The following C17orf107 variants were observed in gnomAD, a reference collection of about 807,000 sequenced individuals.
The protein encoded by C17orf107 is chromosome 17 open reading frame 107, also known as uncharacterized protein C17orf107.
In C17orf107, 9 loss-of-function variants were observed where a neutral mutation model predicts 8.9. The ratio of observed to expected loss-of-function variants is 1.02; its 90% CI spans 0.61 to 1.77. C17orf107 has a LOEUF of 1.77. Ranked by LOEUF, C17orf107 falls within the 40% of genes most tolerant of loss-of-function variation. The probability of loss-of-function intolerance (pLI) is 0.00; values close to 1 mark genes in which losing one functional copy is unlikely to be tolerated. For synonymous variants in C17orf107, 139 were observed against 120.3 expected (o/e 1.16, Z -1.02); for missense variants, 281 against 249.0 (o/e 1.13, Z -0.86).
Position 4,900,990 on chromosome 17 carries a change from C to T in C17orf107, c.*457C>T, listed in dbSNP as rs772145808. 4 of 1,613,952 alleles carry T rather than the reference C, an allele frequency of 2.5e-6. No homozygotes were observed. The highest frequency in any genetic ancestry group is 1.3e-5 in the African/African-American group (1 of 75,044). On this transcript the variant is annotated 3_prime_UTR_variant, in exon 3 of 3. Coordinates refer to ENST00000381365, the MANE Select transcript of C17orf107 (RefSeq NM_001145536.2). ...GGGTAGGTTCGGGGCCACTGCTTAC[C>T]CTGCGCCGGCAGGAAGTAGGCGAGC...
At position 4,900,740 on chromosome 17, in the gene C17orf107, C is replaced by A; in HGVS notation, c.*207C>A. 7.7e-6 allele frequency: 12 copies of A among 1,557,760 alleles called. No individual in the cohort carries two copies. Among genetic ancestry groups the A allele is most frequent in the Non-Finnish European group, 1.0e-5 (12 of 1,143,614 alleles). ...TTTTCCCGGGGTCTCTGGGTTTTGG[C>A]CACGCCCCCACCCTTCACACTGGCC... On this transcript the variant is annotated 3_prime_UTR_variant, in exon 3 of 3. Coordinates refer to ENST00000381365, the MANE Select transcript of C17orf107 (RefSeq NM_001145536.2).
In C17orf107 at chr17:4,900,786, G is replaced by A. The variant is rs961101973; in HGVS notation, c.*253G>A. On this transcript the variant is annotated 3_prime_UTR_variant, in exon 3 of 3. Transcript: ENST00000381365. ...TGGCCACACCCCCGCGGGGGCTCCG[G>A]CTTCACCTGCCCAGGAGCGGCACGC... The A allele has an allele frequency of 2.5e-6, 4 of 1,612,224 alleles. No homozygotes were observed. Among genetic ancestry groups the A allele is most frequent in the Non-Finnish European group, 1.7e-6 (2 of 1,179,068 alleles).
Position 4,900,646 on chromosome 17 carries a change from G to A in C17orf107, c.*113G>A. On this transcript the variant is annotated 3_prime_UTR_variant, in exon 3 of 3. Coordinates refer to ENST00000381365, the MANE Select transcript of C17orf107 (RefSeq NM_001145536.2). ...GCAGTGAGGAGGACGGCGGACCAGG[G>A]ACTCCATCCCCGTACCAGCCCCACC... The A allele has an allele frequency of 2.7e-6, 4 of 1,456,386 alleles. No individual in the cohort carries two copies. Among genetic ancestry groups the A allele is most frequent in the Non-Finnish European group, 1.9e-6 (2 of 1,069,518 alleles). 90.2% of individuals were successfully genotyped at this position (1,456,386 alleles called of 1,614,324 possible). A position where few individuals can be genotyped will look rare whatever the true frequency, so the allele number is the denominator to read the frequency against.
downstream of C17orf107, among the ~76,000 whole-genome samples, chr17:4,904,826 G>C (rs1045315893): frequency 6.6e-6 from 1 of 152,164 alleles, no homozygotes; most frequent in Non-Finnish European, 1.5e-5. Context: ...TCAAATAACA[G>C]AGTGTCCTCC....
At chr17:4,903,391 G>A (rs1216208896), downstream of C17orf107, among the ~76,000 whole-genome samples, 2 of 152,080 alleles carry the variant, frequency 1.3e-5, no homozygotes, top group Non-Finnish European at 2.9e-5. Context: ...ACTGCTTTCA[G>A]CAGGCACTGT....
Position 4,900,658 on chromosome 17 carries a change from G to T in C17orf107, c.*125G>T. ...ACGGCGGACCAGGGACTCCATCCCC[G>T]TACCAGCCCCACCCAGCGTCCGAAT... On this transcript the variant is annotated 3_prime_UTR_variant, in exon 3 of 3. Transcript: ENST00000381365. 7.0e-7 allele frequency: 1 copy of T among 1,438,150 alleles called. No individual in the cohort carries two copies. Among genetic ancestry groups the T allele is most frequent in the Non-Finnish European group, 9.5e-7 (1 of 1,053,492 alleles). 89.1% of individuals were successfully genotyped at this position (1,438,150 alleles called of 1,614,324 possible). A position where few individuals can be genotyped will look rare whatever the true frequency, so the allele number is the denominator to read the frequency against.
downstream of C17orf107, among the ~76,000 whole-genome samples, chr17:4,906,498 C>A (rs753397725): frequency 3.9e-5 from 6 of 152,016 alleles, no homozygotes; most frequent in African/African-American, 1.2e-4. Flanking sequence ...GAAAAAAAAT[C>A]TAATAATCTG....
At chr17:4,905,780 G>T (rs1398987681), downstream of C17orf107, among the ~76,000 whole-genome samples, 3 of 151,852 alleles carry the variant, frequency 2.0e-5, no homozygotes, top group East Asian at 5.8e-4. Context: ...AGAATCACTT[G>T]AACCTGGGAG....
chr17:4,902,496 T>C lies in C17orf107; in HGVS notation c.*1963T>C. 2 of 1,614,212 alleles carry C rather than the reference T, an allele frequency of 1.2e-6. No individual in the cohort carries two copies. Among genetic ancestry groups the C allele is most frequent in the Non-Finnish European group, 8.5e-7 (1 of 1,180,044 alleles). ...GGTGAGAGTCTCCTCTTTTTCATTCTGCAGATGGGAGATGGGGATGATTGA... is the reference window on the plus strand; with the variant it reads ...GGTGAGAGTCTCCTCTTTTTCATTCCGCAGATGGGAGATGGGGATGATTGA... On this transcript the variant is annotated 3_prime_UTR_variant, in exon 3 of 3. Coordinates refer to ENST00000381365, the MANE Select transcript of C17orf107 (RefSeq NM_001145536.2). The surrounding 1 kb of genome is among the most constrained non-coding windows in gnomAD (Gnocchi z 4.0).
Position 4,902,044 on chromosome 17 carries a change from C to G in C17orf107, c.*1511C>G. The G allele has an allele frequency of 4.3e-6, 7 of 1,614,104 alleles. No individual in the cohort carries two copies. Among genetic ancestry groups the G allele is most frequent in the South Asian group, 1.1e-5 (1 of 91,092 alleles). ...CACGTCACGGAGCCGCCCTCGTAGA[C>G]GAGCACGTTGGCGTCGTAGGCCACT... On this transcript the variant is annotated 3_prime_UTR_variant, in exon 3 of 3. Coordinates refer to ENST00000381365, the MANE Select transcript of C17orf107 (RefSeq NM_001145536.2). The surrounding 1 kb of genome is among the most constrained non-coding windows in gnomAD (Gnocchi z 4.0).
rs1969975886 is a variant in C17orf107 at position 4,901,244 on chromosome 17, T to C, written c.*711T>C. 1 of 1,576,098 alleles carries C rather than the reference T, an allele frequency of 6.3e-7. No homozygotes were observed. The highest frequency in any genetic ancestry group is 8.6e-7 in the Non-Finnish European group (1 of 1,162,110). ...TGTCAGAGCGGGGCGCCCGCCGAGC[T>C]GACAGCGGGCTGAAGAGGAGGCTGC... On this transcript the variant is annotated 3_prime_UTR_variant, in exon 3 of 3. Coordinates refer to ENST00000381365, the MANE Select transcript of C17orf107 (RefSeq NM_001145536.2).
chr17:4,901,047 C>T lies in C17orf107; in HGVS notation c.*514C>T, dbSNP rs757421529. The T allele has an allele frequency of 6.2e-6, 10 of 1,613,852 alleles. No individual in the cohort carries two copies. The highest frequency in any genetic ancestry group is 1.1e-5 in the South Asian group (1 of 91,088). On this transcript the variant is annotated 3_prime_UTR_variant, in exon 3 of 3. Transcript: ENST00000381365. ...AGGCCCGAGATGAGCACACAGGGCA[C>T]GATGATGTTAATGACGTAGAAGAGC...
chr17:4,904,389 C>T (rs539151447), downstream of C17orf107, among the ~76,000 whole-genome samples: 3 of 152,202 alleles, frequency 2.0e-5, no homozygotes, highest in Non-Finnish European at 4.4e-5. Context: ...CCTTCTTGAA[C>T]CATTCTAATC....
rs1263379665 is a variant in C17orf107, at chr17:4,901,887, C to CCG, written c.*1355_*1356insGC. 5 of 1,593,444 alleles carry CCG rather than the reference C, an allele frequency of 3.1e-6. No homozygotes were observed. The highest frequency in any genetic ancestry group is 4.3e-6 in the Non-Finnish European group (5 of 1,163,680). ...CCGGTTGGCCCCGCCCCATAAGGCC[C>CCG]CCCCCCAACAATAATCGTCCGGGCC... is the stretch of plus-strand genomic sequence containing the variant. On this transcript the variant is annotated 3_prime_UTR_variant, in exon 3 of 3. Transcript: ENST00000381365.
downstream of C17orf107, among the ~76,000 whole-genome samples, chr17:4,904,642 T>C (rs969412102): frequency 5.3e-5 from 8 of 152,152 alleles, no homozygotes; most frequent in African/African-American, 1.9e-4. Context: ...GGATCCAGGG[T>C]CACACAAGTA....
In C17orf107 at chr17:4,900,369, G is replaced by A. The variant is rs1392688696; in HGVS notation, c.409G>A (p.Gly137Arg). 1.9e-6 allele frequency: 3 copies of A among 1,549,274 alleles called. No individual in the cohort carries two copies. The highest frequency in any genetic ancestry group is 2.4e-5 in the East Asian group (1 of 40,900). ...QAAGQGVRQA[G>R]AAVGASARLL... is the part of the protein sequence containing the mutation. The stretch of plus-strand genomic sequence containing the variant: ...CGCAGGGCAGGGGGTTCGGCAAGCT[G>A]GGGCTGCGGTGGGCGCCAGCGCCCG... The change falls in exon 3 of 3, where the codon GGG (glycine) becomes AGG (arginine). Residue 137 changes from glycine (G) to arginine (R), a missense_variant. Physicochemically the swap from Gly to Arg is moderately radical, Grantham distance 125 (BLOSUM62 -2). Transcript: ENST00000381365.
chr17:4,900,825 T>C lies in C17orf107; in HGVS notation c.*292T>C, dbSNP rs1597618703. ...GGAGCGGCACGCTCAGAGAAGTCTC[T>C]GGGATTTTCTGGGCAATGAGGAACA... is the stretch of plus-strand genomic sequence containing the variant. On this transcript the variant is annotated 3_prime_UTR_variant, in exon 3 of 3. Transcript: ENST00000381365. The C allele has an allele frequency of 1.2e-6, 2 of 1,614,118 alleles. No homozygotes were observed. Among genetic ancestry groups the C allele is most frequent in the Non-Finnish European group, 1.7e-6 (2 of 1,179,970 alleles).
chr17:4,902,019 C>T lies in C17orf107; in HGVS notation c.*1486C>T, dbSNP rs1231660310. ...GCTGCGGTAGATGGCCGGAGGCAGC[C>T]ACGTCACGGAGCCGCCCTCGTAGAC... is the stretch of plus-strand genomic sequence containing the variant. On this transcript the variant is annotated 3_prime_UTR_variant, in exon 3 of 3. Coordinates refer to ENST00000381365, the MANE Select transcript of C17orf107 (RefSeq NM_001145536.2). This position sits in a 1 kb window ranked among gnomAD's most constrained non-coding sequence, Gnocchi z 4.0. The T allele has an allele frequency of 6.2e-7, 1 of 1,614,124 alleles. No individual in the cohort carries two copies. The highest frequency in any genetic ancestry group is 8.5e-7 in the Non-Finnish European group (1 of 1,180,048).
chr17:4,902,942 C>T, downstream of C17orf107: 2 of 1,602,994 alleles, frequency 1.2e-6, no homozygotes, highest in Non-Finnish European at 1.7e-6. The surrounding 1 kb of genome is among the most constrained non-coding windows in gnomAD (Gnocchi z 4.0). Context: ...CCATCTTGGT[C>T]TCTGTCTTTG....
Sources: gnomAD v4.1 joint callset for allele counts (sites outside exome capture counted in the v4.1 genomes callset) on GRCh38, gnomAD v4.1.1 for gene constraint, Gnocchi (gnomAD v3.1) non-coding constraint, MANE v1.5 for transcripts, NCBI Gene and HGNC (gene_info 2026-07-23, HGNC 2026-07-21) for gene names.